The following HNRNPK variants were observed in gnomAD, a reference collection of about 807,000 sequenced individuals.
HNRNPK encodes dC-stretch binding protein.
In HNRNPK, 7 loss-of-function variants were observed where a neutral mutation model predicts 67.0. That is an observed-to-expected ratio of 0.10 (90% confidence interval 0.06 to 0.20). HNRNPK has a LOEUF of 0.20. Among genes scored for constraint, HNRNPK ranks in the 10% least tolerant of loss-of-function variants. The pLI is 1.00. For synonymous variants in HNRNPK, 213 were observed against 193.7 expected (o/e 1.10, Z -0.83); for missense variants, 264 against 606.5 (o/e 0.44, Z 5.93).
chr9:83,977,161 A>T lies in HNRNPK; in HGVS notation c.157-110T>A, dbSNP rs908217402. 3 of 760,636 alleles carry T rather than the reference A, an allele frequency of 3.9e-6. No individual in the cohort carries two copies. The African/African-American group carries it at 5.3e-5, about 13-fold the overall frequency. The allele number at this position is 760,636 out of a possible 1,614,324, so 47.1% of individuals were successfully genotyped here. A position where few individuals can be genotyped will look rare whatever the true frequency, so the allele number is the denominator to read the frequency against. ...CCTCTAACCTGTTTGTTATAAGAATAAAAATCTATTTGGGGTTGTAAAAAC... is the reference window on the plus strand; with the variant it reads ...CCTCTAACCTGTTTGTTATAAGAATTAAAATCTATTTGGGGTTGTAAAAAC... On this transcript the variant is annotated intron_variant, in intron 4 of 16. Coordinates refer to ENST00000376263, the MANE Select transcript of HNRNPK (RefSeq NM_031263.4).
In HNRNPK at chr9:83,969,112, T is replaced by C. The variant is rs1332974752; in HGVS notation, c.*295A>G. The C allele has an allele frequency of 9.8e-6, 5 of 510,518 alleles. No homozygotes were observed. 31.6% of individuals were successfully genotyped at this position (510,518 alleles called of 1,614,324 possible). A position where few individuals can be genotyped will look rare whatever the true frequency, so the allele number is the denominator to read the frequency against. On this transcript the variant is annotated 3_prime_UTR_variant, in exon 17 of 17. Transcript: ENST00000376263. ...GGGGAATTTTTTAAACCACCAACAATAACGAAAAATAAAATCCACTCACTC... is the reference window on the plus strand; with the variant it reads ...GGGGAATTTTTTAAACCACCAACAACAACGAAAAATAAAATCCACTCACTC...
chr9:83,969,668 A>G (rs1956733036), intron 16 of HNRNPK: 1 of 610,678 alleles, frequency 1.6e-6, no homozygotes. Context: ...CGGAATTGAA[A>G]GTTGTTAATA....
In HNRNPK at chr9:83,968,518, T is replaced by C. The variant is rs573195181; in HGVS notation, c.*889A>G. The C allele has an allele frequency of 6.9e-4, 106 of 152,694 alleles. No homozygotes were observed. The highest frequency in any genetic ancestry group is 2.5e-3 in the African/African-American group (102 of 41,564). The allele number at this position is 152,694 out of a possible 1,614,324, so 9.5% of individuals were successfully genotyped here. ...TTCCATAACCAAGTGTTATTCTGAT[T>C]AATAAAACTTGCTGCCAATCAGAAT... is the stretch of plus-strand genomic sequence containing the variant. On this transcript the variant is annotated 3_prime_UTR_variant, in exon 17 of 17. Transcript: ENST00000376263.
chr9:83,972,305 T>C (rs1460164582), intron 10 of HNRNPK, 116 bp from the exon 11 acceptor site: 5 of 749,210 alleles, frequency 6.7e-6, no homozygotes, highest in African/African-American at 1.8e-5. Flanking sequence ...CAGGAGGTAC[T>C]AGAGACAGAA....
intron 15 of HNRNPK, 126 bp downstream of exon 15, chr9:83,970,611 C>T: frequency 1.4e-6 from 1 of 717,532 alleles, no homozygotes; most frequent in Non-Finnish European, 2.3e-6. Flanking sequence ...CTCACTAAAG[C>T]CCATTAACAT....
At chr9:83,969,780 C>A in intron 16 of HNRNPK, 1 of 644,924 alleles carries the variant, frequency 1.6e-6, no homozygotes, top group East Asian at 3.3e-5. Flanking sequence ...ATATGGCAGA[C>A]TGTGATTTGT....
rs972500980 is a variant in HNRNPK, at chr9:83,969,103, C to T, written c.*304G>A. On this transcript the variant is annotated 3_prime_UTR_variant, in exon 17 of 17. Coordinates refer to ENST00000376263, the MANE Select transcript of HNRNPK (RefSeq NM_031263.4). ...ATTACATGGGGGGAATTTTTTAAAC[C>T]ACCAACAATAACGAAAAATAAAATC... is the stretch of plus-strand genomic sequence containing the variant. The T allele has an allele frequency of 6.0e-6, 3 of 496,820 alleles. No homozygotes were observed. Among genetic ancestry groups the T allele is most frequent in the African/African-American group, 2.0e-5 (1 of 51,104 alleles). The allele number at this position is 496,820 out of a possible 1,614,324, so 30.8% of individuals were successfully genotyped here.
chr9:83,977,152 TATAAGAATA>T (rs1421878185), intron 4 of HNRNPK, 101 bp from the exon 5 acceptor site: 1 of 802,918 alleles, frequency 1.2e-6, no homozygotes, highest in Non-Finnish European at 2.1e-6. Flanking sequence ...ACCTGTTTGT[TATAAGAATA>T]AAAATCTATT....
At chr9:83,977,083 T>C in intron 4 of HNRNPK, 32 bp from the exon 5 acceptor site, 1 of 1,540,012 alleles carries the variant, frequency 6.5e-7, no homozygotes, top group Non-Finnish European at 9.0e-7. Context: ...AAAATTATTT[T>C]GCCTTTCCCT....
At chr9:83,969,556 A>G (rs1956727043) in intron 16 of HNRNPK, 116 bp from the exon 17 acceptor site, 1 of 718,654 alleles carries the variant, frequency 1.4e-6, no homozygotes, top group Non-Finnish European at 2.5e-6. Flanking sequence ...TTACAATTAG[A>G]AGAGTTCAAA....
chr9:83,969,676 A>G (rs1022921219), intron 16 of HNRNPK: 2 of 610,360 alleles, frequency 3.3e-6, no homozygotes, highest in African/African-American at 1.8e-5. Context: ...AAAGTTGTTA[A>G]TATTTGGTAG....
chr9:83,974,598 C>T lies in HNRNPK; in HGVS notation c.258-9G>A. The T allele has an allele frequency of 6.3e-7, 1 of 1,587,902 alleles. No homozygotes were observed. The highest frequency in any genetic ancestry group is 1.1e-5 in the South Asian group (1 of 90,078). ...CACTGATACTCAATATGCTGTCAAA[C>T]ACCACAAATACCAGATAGTACAAAA... On this transcript the variant is annotated splice_polypyrimidine_tract_variant and intron_variant, in intron 6 of 16. Transcript: ENST00000376263.
At position 83,970,215 on chromosome 9, in the gene HNRNPK, G is replaced by A. The variant is rs1462491952; in HGVS notation, c.1308C>T (p.Thr436=). 4 of 1,613,282 alleles carry A rather than the reference G, an allele frequency of 2.5e-6. No homozygotes were observed. The highest frequency in any genetic ancestry group is 1.7e-5 in the Admixed American group (1 of 59,994). The change falls in exon 16 of 17, where the codon ACC becomes ACT. Residue 436 remains threonine, a synonymous_variant. Coordinates refer to ENST00000376263, the MANE Select transcript of HNRNPK (RefSeq NM_031263.4). ...PLEGSEDRII[T]ITGTQDQIQN... is the part of the protein sequence containing the mutation. ...GTATCTGGTCCTGTGTTCCTGTAAT[G>A]GTAATGATCCGATCTTCGGATCCTT...
chr9:83,976,564 C>T (rs1292751121), intron 5 of HNRNPK: 1 of 153,664 alleles, frequency 6.5e-6, no homozygotes, highest in African/African-American at 2.4e-5. Flanking sequence ...CATGTGCAAG[C>T]TGTTAAAGAA....
chr9:83,979,341 T>C (rs566887954), intron 1 of HNRNPK, among the ~76,000 whole-genome samples: 1 of 152,344 alleles, frequency 6.6e-6, no homozygotes, highest in East Asian at 1.9e-4. Flanking sequence ...ACGCAATTTC[T>C]GAGGTGTGGT....
chr9:83,974,368 G>A (rs1422206615), intron 7 of HNRNPK, 149 bp downstream of exon 7: 21 of 437,462 alleles, frequency 4.8e-5, no homozygotes, highest in East Asian at 3.5e-4. Context: ...AACAAATTAC[G>A]CATGTACAAA....
Position 83,969,084 on chromosome 9 carries a change from T to TG in HNRNPK, c.*322dup, listed in dbSNP as rs1231888115. 6 of 492,272 alleles carry TG rather than the reference T, an allele frequency of 1.2e-5. No homozygotes were observed. Among genetic ancestry groups the TG allele is most frequent in the Non-Finnish European group, 2.2e-5 (6 of 277,624 alleles). The allele number at this position is 492,272 out of a possible 1,614,324, so 30.5% of individuals were successfully genotyped here. A position where few individuals can be genotyped will look rare whatever the true frequency, so the allele number is the denominator to read the frequency against. ...AAGCAAGGTGTTCACAATAATTACA[T>TG]GGGGGGAATTTTTTAAACCACCAAC... is the stretch of plus-strand genomic sequence containing the variant. On this transcript the variant is annotated 3_prime_UTR_variant, in exon 17 of 17. Coordinates refer to ENST00000376263, the MANE Select transcript of HNRNPK (RefSeq NM_031263.4).
chr9:83,971,424 C>T, intron 12 of HNRNPK, 68 bp from the exon 13 acceptor site: 1 of 1,076,276 alleles, frequency 9.3e-7, no homozygotes, highest in Non-Finnish European at 1.4e-6. Context: ...TTTAATATGC[C>T]TAATTTGCAT....
chr9:83,973,408 GGAGA>G lies in HNRNPK; in HGVS notation c.403-13_403-10del. ...CCTTTATAGTGTTGGTACTGTGGAG[GGAGA>G]ATTATAAAATTTTAGTCTCAAATCA... On this transcript the variant is annotated splice_polypyrimidine_tract_variant and intron_variant, in intron 8 of 16. Coordinates refer to ENST00000376263, the MANE Select transcript of HNRNPK (RefSeq NM_031263.4). The G allele has an allele frequency of 6.7e-7, 1 of 1,493,680 alleles. No homozygotes were observed. Among genetic ancestry groups the G allele is most frequent in the Non-Finnish European group, 9.3e-7 (1 of 1,072,076 alleles). The allele number at this position is 1,493,680 out of a possible 1,614,324, so 92.5% of individuals were successfully genotyped here. A position where few individuals can be genotyped will look rare whatever the true frequency, so the allele number is the denominator to read the frequency against.
Sources: allele counts gnomAD v4.1 joint callset (sites outside exome capture counted in the v4.1 genomes callset), GRCh38; gene constraint gnomAD v4.1.1; transcripts MANE v1.5; gene names NCBI Gene and HGNC (gene_info 2026-07-23, HGNC 2026-07-21).